Variants in TUBAL3 observed in about 807,000 individuals in gnomAD.
The protein encoded by TUBAL3 is tubulin alpha chain-like 3.
Under a neutral mutation model 15.5 loss-of-function variants are expected in TUBAL3, and 16 were observed. That is an observed-to-expected ratio of 1.04 (90% CI 0.70 to 1.57). TUBAL3 has a LOEUF of 1.57. Among genes scored for constraint, TUBAL3 ranks in the 40% most tolerant of loss-of-function variants. The probability of loss-of-function intolerance (pLI) is 0.00; values close to 1 mark genes in which losing one functional copy is unlikely to be tolerated. For missense variants in TUBAL3, 609 were observed against 576.2 expected, an observed-to-expected ratio of 1.06 and a Z score of -0.58; for synonymous variants, 238 against 224.3, an observed-to-expected ratio of 1.06 and a Z score of -0.55.
rs1315179818 is a variant in TUBAL3, at chr10:5,396,660, T to C, written c.248-1185A>G. 6.6e-6 allele frequency among the ~76,000 whole-genome samples: 1 copy of C among 152,118 alleles called. No individual in the cohort carries two copies. Among genetic ancestry groups the C allele is most frequent in the African/African-American group, 2.4e-5 (1 of 41,404 alleles). On this transcript the variant is annotated intron_variant, in intron 2 of 3. Coordinates refer to ENST00000380419, the MANE Select transcript of TUBAL3 (RefSeq NM_024803.3). The surrounding 1 kb of genome is among the most constrained non-coding windows in gnomAD (Gnocchi z 5.1). ...TGCATAAATGCATGACGCAGGACAA[T>C]TGGCGTTAAGATGTTGGCAGTATCC... is the stretch of plus-strand genomic sequence containing the variant.
At position 5,393,841 on chromosome 10, in the gene TUBAL3, G is replaced by A. The variant is rs35744127; in HGVS notation, c.1017C>T (p.Ile339=). ...DVVPKEVNAA[I]AATKSRHSVQ... The stretch of plus-strand genomic sequence containing the variant: ...CAGAGTGCCTCGACTTCGTGGCTGC[G>A]ATTGCTGCATTCACTTCCTTGGGGA... The change falls in exon 4 of 4, where the codon ATC becomes ATT. Residue 339 remains isoleucine (I), a synonymous_variant. Transcript: ENST00000380419. 1.4e-3 allele frequency: 2,256 copies of A among 1,614,148 alleles called. 27 individuals carry two copies. In the African/African-American group the frequency reaches 0.021, roughly 15 times the overall value.
chr10:5,402,349 GC>G (rs1831867935), intron 1 of TUBAL3, among the ~76,000 whole-genome samples: 1 of 152,178 alleles, frequency 6.6e-6, no homozygotes, highest in African/African-American at 2.4e-5. Context: ...GATAGCAATC[GC>G]TGTTCTTAAT....
Position 5,393,750 on chromosome 10 carries a change from T to A in TUBAL3, c.1108A>T (p.Met370Leu). The part of the protein sequence containing the change: ...VGINNRPPTV[M>L]PGGDLAKVHR... ...ACTTTGGCCAGGTCCCCACCCGGCA[T>A]CACCGTGGGCGGCCGATTGTTGATG... The change falls in exon 4 of 4, where the codon ATG becomes TTG. Residue 370 changes from methionine (M) to leucine (L), a missense_variant. Met to Leu is a conservative substitution (Grantham distance 15). Coordinates refer to ENST00000380419, the MANE Select transcript of TUBAL3 (RefSeq NM_024803.3). 1.2e-6 allele frequency: 2 copies of A among 1,614,226 alleles called. No homozygotes were observed. Among genetic ancestry groups the A allele is most frequent in the Non-Finnish European group, 1.7e-6 (2 of 1,180,038 alleles).
At position 5,400,882 on chromosome 10, in the gene TUBAL3, G is replaced by A. The variant is rs1831839724; in HGVS notation, c.209C>T (p.Pro70Leu). Residue 70 changes from proline (P) to leucine (L), a missense_variant, in exon 2 of 4, where the codon CCT becomes CTT. Pro to Leu is a moderately conservative substitution (Grantham distance 98). Coordinates refer to ENST00000380419, the MANE Select transcript of TUBAL3 (RefSeq NM_024803.3). ...FCETRAGKHVPRALFVDLEPT... is the reference protein window; with the variant it reads ...FCETRAGKHVLRALFVDLEPT... ...CTCCAAGTCCACGAAGAGTGCTCTA[G>A]GCACATGCTTCCCAGCTCTTGTCTC... 1.2e-6 allele frequency: 2 copies of A among 1,614,048 alleles called. No individual in the cohort carries two copies. Among genetic ancestry groups the A allele is most frequent in the African/African-American group, 2.7e-5 (2 of 74,924 alleles).
At chr10:5,401,134 CAGG>C (rs1831845993) in intron 1 of TUBAL3, 47 bp from the exon 2 acceptor site, 3 of 1,603,604 alleles carry the variant, frequency 1.9e-6, no homozygotes, top group Non-Finnish European at 2.6e-6. Flanking sequence ...GTTTAGAAAA[CAGG>C]AGATCTGTTA....
In TUBAL3 at chr10:5,394,287, G is replaced by T. The variant is rs2119138689; in HGVS notation, c.571C>A (p.Pro191Thr). The change falls in exon 4 of 4, where the codon CCT (proline) becomes ACT (threonine). Residue 191 changes from proline to threonine, a missense_variant. Transcript: ENST00000380419. The surrounding 1 kb of genome is among the most constrained non-coding windows in gnomAD (Gnocchi z 4.3). The stretch of plus-strand genomic sequence containing the variant: ...TGGGTGGTGAGGACAGAGTTATAAG[G>T]CTCTACCACAGCAGTGGAGATCCTG... Reference protein sequence around the residue: ...APRISTAVVEPYNSVLTTHST... With the variant: ...APRISTAVVETYNSVLTTHST... 3.7e-6 allele frequency: 6 copies of T among 1,614,120 alleles called. No homozygotes were observed. Among genetic ancestry groups the T allele is most frequent in the South Asian group, 1.1e-5 (1 of 91,070 alleles).
At position 5,394,602 on chromosome 10, in the gene TUBAL3, C is replaced by G. The variant is rs1293287841; in HGVS notation, c.397-141G>C. On this transcript the variant is annotated intron_variant, in intron 3 of 3. Transcript: ENST00000380419. The surrounding 1 kb of genome is among the most constrained non-coding windows in gnomAD (Gnocchi z 4.3). The stretch of plus-strand genomic sequence containing the variant: ...TCCTTTGCCTTTGTTAACTCCACAA[C>G]AAACATAGCTACTTTGAAATACTCT... The G allele has an allele frequency of 2.8e-6, 2 of 707,296 alleles. 1 individual carries two copies. The highest frequency in any genetic ancestry group is 5.4e-5 in the East Asian group (2 of 36,858). 43.8% of individuals were successfully genotyped at this position (707,296 alleles called of 1,614,324 possible).
Position 5,396,468 on chromosome 10 carries a change from A to C in TUBAL3, c.248-993T>G, listed in dbSNP as rs148770466. On this transcript the variant is annotated intron_variant, in intron 2 of 3. Transcript: ENST00000380419. This position sits in a 1 kb window ranked among gnomAD's most constrained non-coding sequence, Gnocchi z 5.1. ...CAGTGAGTGGAGATCACGCCATCGC[A>C]CTCCAGCCTGGGCAACAAGAGTGAA... Among the ~76,000 whole-genome samples the C allele has an allele frequency of 0.022, 3,354 of 152,144 alleles. 113 individuals carry two copies. Among genetic ancestry groups the C allele is most frequent in the African/African-American group, 0.076 (3,163 of 41,460 alleles).
intron 1 of TUBAL3, among the ~76,000 whole-genome samples, chr10:5,403,037 T>G (rs948635156): frequency 6.6e-6 from 1 of 152,126 alleles, no homozygotes; most frequent in African/African-American, 2.4e-5. Flanking sequence ...TTGTACTTTG[T>G]CTCTGTGATT....
Position 5,394,381 on chromosome 10 carries a change from G to A in TUBAL3, c.477C>T (p.Leu159=), listed in dbSNP as rs2119139008. 2 of 1,614,180 alleles carry A rather than the reference G, an allele frequency of 1.2e-6. No homozygotes were observed. The highest frequency in any genetic ancestry group is 2.2e-5 in the East Asian group (1 of 44,876). Residue 159 remains leucine, a synonymous_variant, in exon 4 of 4, where the codon CTC becomes CTT. Coordinates refer to ENST00000380419, the MANE Select transcript of TUBAL3 (RefSeq NM_024803.3). This position sits in a 1 kb window ranked among gnomAD's most constrained non-coding sequence, Gnocchi z 4.3. ...ATTCTCCTGTGAGCCTCTCCATTAA[G>A]AGAGACGTAAACCCTGAACCAGTGC... ...GGGTGSGFTS[L]LMERLTGEYS...
intron 2 of TUBAL3, among the ~76,000 whole-genome samples, chr10:5,399,345 A>AT (rs1831813002): frequency 6.6e-6 from 1 of 152,234 alleles, no homozygotes; most frequent in Non-Finnish European, 1.5e-5. Flanking sequence ...TAATTAGGTC[A>AT]TAAGGGTAGA....
At position 5,400,724 on chromosome 10, in the gene TUBAL3, A is replaced by C; in HGVS notation, c.247+120T>G. ...CCATGGCCACTGAGTAAGCCTCTAC[A>C]TTTGGGAAAGGTCCATGTGATTCCA... On this transcript the variant is annotated intron_variant, in intron 2 of 3. Transcript: ENST00000380419. 7 of 1,284,170 alleles carry C rather than the reference A, an allele frequency of 5.5e-6. No homozygotes were observed. The South Asian group carries it at 8.2e-5, about 15-fold the overall frequency. The allele number at this position is 1,284,170 out of a possible 1,614,324, so 79.5% of individuals were successfully genotyped here.
Position 5,394,577 on chromosome 10 carries a change from T to A in TUBAL3, c.397-116A>T, listed in dbSNP as rs1831734443. ...CAAAACAAAATCTTTCAGAAAGGAC[T>A]CCTTTGCCTTTGTTAACTCCACAAC... On this transcript the variant is annotated intron_variant, in intron 3 of 3. Transcript: ENST00000380419. The surrounding 1 kb of genome is among the most constrained non-coding windows in gnomAD (Gnocchi z 4.3). 1.1e-6 allele frequency: 1 copy of A among 914,190 alleles called. No individual in the cohort carries two copies. The highest frequency in any genetic ancestry group is 1.6e-6 in the Non-Finnish European group (1 of 620,370). The allele number at this position is 914,190 out of a possible 1,614,324, so 56.6% of individuals were successfully genotyped here. A position where few individuals can be genotyped will look rare whatever the true frequency, so the allele number is the denominator to read the frequency against.
At chr10:5,398,476 G>A (rs1213161615) in intron 2 of TUBAL3, among the ~76,000 whole-genome samples, 1 of 147,610 alleles carries the variant, frequency 6.8e-6, no homozygotes, top group Admixed American at 6.8e-5. Flanking sequence ...ACATGTGCCT[G>A]TAGTCCAAGC....
intron 2 of TUBAL3, 33 bp downstream of exon 2, chr10:5,400,811 G>A (rs782193489): frequency 2.9e-5 from 46 of 1,612,390 alleles, no homozygotes; most frequent in Non-Finnish European, 3.7e-5. Context: ...TGTGGCTCCA[G>A]TTAAGTATGC....
chr10:5,399,252 C>A (rs111728972), intron 2 of TUBAL3, among the ~76,000 whole-genome samples: 377 of 152,322 alleles, frequency 2.5e-3, no homozygotes, highest in African/African-American at 8.7e-3. Flanking sequence ...CTGCTGTGGA[C>A]TAAATGGCTG....
chr10:5,394,005 C>T lies in TUBAL3; in HGVS notation c.853G>A (p.Ala285Thr). Residue 285 changes from alanine (A) to threonine (T), a missense_variant, in exon 4 of 4, where the codon GCT (alanine) becomes ACT (threonine). Transcript: ENST00000380419. The surrounding 1 kb of genome is among the most constrained non-coding windows in gnomAD (Gnocchi z 4.3). Reference protein sequence around the residue: ...PMTAFAPIVSADKAYHEQFSV... With the variant: ...PMTAFAPIVSTDKAYHEQFSV... ...AACTGCTCATGGTAGGCTTTGTCAG[C>T]AGAGACGATGGGGGCGAAGGCTGTC... is the stretch of plus-strand genomic sequence containing the variant. 1 of 1,614,132 alleles carries T rather than the reference C, an allele frequency of 6.2e-7. No individual in the cohort carries two copies. The highest frequency in any genetic ancestry group is 8.5e-7 in the Non-Finnish European group (1 of 1,180,038).
chr10:5,404,059 G>C (rs572449508), intron 1 of TUBAL3, among the ~76,000 whole-genome samples: 63 of 152,278 alleles, frequency 4.1e-4, no homozygotes, highest in Non-Finnish European at 8.8e-5. Flanking sequence ...TACAGAACAT[G>C]CTATTATCAC....
At chr10:5,402,649 CAGAAGGAGGTG>C (rs1412726023) in intron 1 of TUBAL3, among the ~76,000 whole-genome samples, 31 of 152,334 alleles carry the variant, frequency 2.0e-4, no homozygotes, top group Middle Eastern at 3.4e-3. Flanking sequence ...CTGGGCTTTA[CAGAAGGAGGTG>C]AGCAGCAGGT....
Sources: gnomAD v4.1 joint callset for allele counts (sites outside exome capture counted in the v4.1 genomes callset) on GRCh38, gnomAD v4.1.1 for gene constraint, Gnocchi (gnomAD v3.1) non-coding constraint, MANE v1.5 for transcripts, NCBI Gene and HGNC (gene_info 2026-07-23, HGNC 2026-07-21) for gene names.